CCDC171: variants seen among roughly 807,000 people sequenced by gnomAD.
CCDC171 encodes coiled-coil domain-containing protein 171.
In CCDC171, 177 loss-of-function variants were observed where a neutral mutation model predicts 168.2. The observed-to-expected ratio is 1.05, with a 90% confidence interval of 0.93 to 1.19. CCDC171 has a LOEUF of 1.19. Ranked by LOEUF, CCDC171 falls within the 50% of genes most tolerant of loss-of-function variation. The pLI is 0.00. For missense variants in CCDC171, 1,991 were observed against 1,539.0 expected, an observed-to-expected ratio of 1.29 and a Z score of -4.91; for synonymous variants, 687 against 540.8, an observed-to-expected ratio of 1.27 and a Z score of -3.75.
chr9:16,072,840 C>G, the CCDC171 span, among the ~76,000 whole-genome samples: 4 of 152,214 alleles, frequency 2.6e-5, no homozygotes, highest in Non-Finnish European at 4.4e-5. Context: ...AGAGCTGCGT[C>G]TTAGCATCAA....
rs1233293485 is a variant in CCDC171, at chr9:15,797,776, G to GATTTTACCTTTTTGACA, written c.3267+13086_3267+13102dup. Among the ~76,000 whole-genome samples, 5 of 152,180 alleles carry GATTTTACCTTTTTGACA rather than the reference G, an allele frequency of 3.3e-5. No individual in the cohort carries two copies. In the East Asian group the frequency reaches 9.6e-4, roughly 29 times the overall value. ...TGTTTGCCTACTATGATGTGAAAAAGATTTTACCTTTTTGACAATTATATC... is the reference window on the plus strand; with the variant it reads ...TGTTTGCCTACTATGATGTGAAAAAGATTTTACCTTTTTGACAATTTTACCTTTTTGACAATTATATC... On this transcript the variant is annotated intron_variant, in intron 21 of 25. Coordinates refer to ENST00000380701, the MANE Select transcript of CCDC171 (RefSeq NM_173550.4).
At chr9:16,062,453 A>G (rs1833943287), downstream of CCDC171, among the ~76,000 whole-genome samples, 1 of 152,200 alleles carries the variant, frequency 6.6e-6, no homozygotes, top group Admixed American at 6.5e-5. Flanking sequence ...TCAGGTACTA[A>G]GTTTATTACC....
At chr9:15,748,238 A>G (rs567399724) in intron 18 of CCDC171, among the ~76,000 whole-genome samples, 4 of 152,302 alleles carry the variant, frequency 2.6e-5, no homozygotes, top group African/African-American at 9.6e-5. Context: ...TTGAAGATCA[A>G]ACTAATGAAA....
intron 24 of CCDC171, among the ~76,000 whole-genome samples, chr9:15,914,144 G>C (rs1824133903): frequency 6.6e-6 from 1 of 152,216 alleles, no homozygotes; most frequent in Non-Finnish European, 1.5e-5. Flanking sequence ...TGAGGAGGCA[G>C]TCTGTCCCTT....
intron 7 of CCDC171, among the ~76,000 whole-genome samples, chr9:15,650,588 A>C (rs942270474): frequency 6.6e-6 from 1 of 151,984 alleles, no homozygotes; most frequent in Admixed American, 6.5e-5. Flanking sequence ...CTTTTATCGT[A>C]TGATTTCTTT....
intron 24 of CCDC171, among the ~76,000 whole-genome samples, chr9:15,897,227 A>G (rs971056611): frequency 1.1e-4 from 16 of 152,186 alleles, no homozygotes; most frequent in African/African-American, 2.6e-4. Flanking sequence ...TGAGAGATAC[A>G]TAGCACATTA....
At chr9:16,084,162 T>A in the CCDC171 span, among the ~76,000 whole-genome samples, 1 of 152,244 alleles carries the variant, frequency 6.6e-6, no homozygotes, top group Non-Finnish European at 1.5e-5. Flanking sequence ...AAGTAAAAGC[T>A]GCTTCTTTAA....
At chr9:15,810,784 C>T (rs2059318251) in intron 21 of CCDC171, among the ~76,000 whole-genome samples, 1 of 152,208 alleles carries the variant, frequency 6.6e-6, no homozygotes, top group Non-Finnish European at 1.5e-5. Flanking sequence ...CTGCGCCTCT[C>T]CCTTGACACC....
At chr9:15,694,785 A>G (rs2051085301) in intron 10 of CCDC171, among the ~76,000 whole-genome samples, 1 of 152,168 alleles carries the variant, frequency 6.6e-6, no homozygotes, top group African/African-American at 2.4e-5. Context: ...AATACCCTAG[A>G]CCAAAGTACT....
At chr9:15,647,963 A>T (rs1366857145) in intron 7 of CCDC171, among the ~76,000 whole-genome samples, 1 of 152,222 alleles carries the variant, frequency 6.6e-6, no homozygotes, top group Non-Finnish European at 1.5e-5. Context: ...ATTTTAGACC[A>T]ATGTCCCTGA....
chr9:15,746,170 G>T lies in CCDC171; in HGVS notation c.2671+539G>T, dbSNP rs12341679. On this transcript the variant is annotated intron_variant, in intron 18 of 25. Transcript: ENST00000380701. ...AAATGCAAGTTTTTTTTTATGATTC[G>T]GATTGCATGATATTTTGTCTGACAG... Among the ~76,000 whole-genome samples, 3 of 151,948 alleles carry T rather than the reference G, an allele frequency of 2.0e-5. No homozygotes were observed. In the East Asian group the frequency reaches 5.8e-4, roughly 29 times the overall value.
intron 16 of CCDC171, among the ~76,000 whole-genome samples, chr9:15,738,308 C>G (rs972204733): frequency 1.3e-5 from 2 of 152,166 alleles, no homozygotes; most frequent in Non-Finnish European, 2.9e-5. Context: ...AGGAAAAAAG[C>G]TGTCCTTTTT....
intron 25 of CCDC171, among the ~76,000 whole-genome samples, chr9:15,936,954 G>A (rs1589175405): frequency 6.6e-6 from 1 of 152,126 alleles, no homozygotes; most frequent in East Asian, 1.9e-4. Flanking sequence ...ATATTGCTCA[G>A]TGCACAATTT....
chr9:16,073,354 G>A, the CCDC171 span, among the ~76,000 whole-genome samples: 1 of 152,190 alleles, frequency 6.6e-6, no homozygotes, highest in African/African-American at 2.4e-5. Flanking sequence ...CCTGCCTGCA[G>A]GAAGGCTATT....
chr9:15,947,497 C>T (rs1386361688), intron 25 of CCDC171, among the ~76,000 whole-genome samples: 1 of 151,980 alleles, frequency 6.6e-6, no homozygotes, highest in Non-Finnish European at 1.5e-5. Flanking sequence ...ATAATGTCCT[C>T]AAGGTTAATA....
At chr9:15,606,333 A>G (rs1587361663) in intron 6 of CCDC171, among the ~76,000 whole-genome samples, 1 of 152,226 alleles carries the variant, frequency 6.6e-6, no homozygotes, top group Non-Finnish European at 1.5e-5. Context: ...ATCTTTGAGC[A>G]GTCATACAAA....
intron 1 of CCDC171, among the ~76,000 whole-genome samples, chr9:16,051,868 C>T (rs545391856): frequency 6.6e-6 from 1 of 152,304 alleles, no homozygotes; most frequent in South Asian, 2.1e-4. Context: ...CTCAAAGTTC[C>T]ACATGGCTGG....
Position 15,624,318 on chromosome 9 carries a change from T to C in CCDC171, c.822+905T>C, listed in dbSNP as rs147216390. Among the ~76,000 whole-genome samples the C allele has an allele frequency of 6.5e-3, 984 of 152,248 alleles. 16 individuals are homozygous for C. The highest frequency in any genetic ancestry group is 0.022 in the African/African-American group (927 of 41,540). On this transcript the variant is annotated intron_variant, in intron 7 of 25. Coordinates refer to ENST00000380701, the MANE Select transcript of CCDC171 (RefSeq NM_173550.4). ...TATATGACAATTTTTTAAAATTAAT[T>C]AATTTTTTATTATACTTTAAGTTCT...
intron 24 of CCDC171, among the ~76,000 whole-genome samples, chr9:15,905,225 C>G (rs1181319833): frequency 6.6e-6 from 1 of 151,724 alleles, no homozygotes; most frequent in Non-Finnish European, 1.5e-5. Context: ...ATACATTCTT[C>G]TCAGCACCAC....
Sources: allele counts gnomAD v4.1 joint callset (sites outside exome capture counted in the v4.1 genomes callset), GRCh38; gene constraint gnomAD v4.1.1; transcripts MANE v1.5; gene names NCBI Gene and HGNC (gene_info 2026-07-23, HGNC 2026-07-21).